UTP18: variants seen among roughly 807,000 people sequenced by gnomAD.
UTP18 encodes UTP18 small subunit processome component, also known as U3 small nucleolar RNA-associated protein 18 homolog.
A neutral mutation model predicts 61.1 loss-of-function variants in UTP18; 36 were observed. The observed-to-expected ratio is 0.59, with a 90% CI of 0.45 to 0.78. The LOEUF (loss-of-function observed/expected upper bound fraction) is 0.78. Ranked by LOEUF, UTP18 falls within the 30% of genes least tolerant of loss-of-function variation. The pLI is 0.00. For synonymous variants in UTP18, 282 were observed against 251.1 expected (o/e 1.12, Z -1.16); for missense variants, 753 against 693.9 (o/e 1.09, Z -0.96).
chr17:51,276,236 A>C (rs558479437), intron 6 of UTP18, among the ~76,000 whole-genome samples: 1 of 152,296 alleles, frequency 6.6e-6, no homozygotes, highest in South Asian at 2.1e-4. Context: ...TTTCAATCAC[A>C]GCTGCTCACC....
chr17:51,273,488 C>A, intron 5 of UTP18, 38 bp downstream of exon 5: 1 of 1,487,406 alleles, frequency 6.7e-7, no homozygotes. Context: ...TATCTAACTA[C>A]TTACCTCTGC....
chr17:51,279,183 A>G (rs1167249545), intron 7 of UTP18, among the ~76,000 whole-genome samples: 1 of 151,804 alleles, frequency 6.6e-6, no homozygotes, highest in Non-Finnish European at 1.5e-5. Flanking sequence ...GATAGTGAAA[A>G]CTCTCTTCTG....
At chr17:51,269,861 G>T (rs1222308737) in intron 4 of UTP18, among the ~76,000 whole-genome samples, 1 of 151,734 alleles carries the variant, frequency 6.6e-6, no homozygotes, top group Non-Finnish European at 1.5e-5. Flanking sequence ...GTGTGTGTGT[G>T]TGTGTGTGTC....
At chr17:51,268,768 T>A in intron 3 of UTP18, 69 bp from the exon 4 acceptor site, 1 of 1,324,588 alleles carries the variant, frequency 7.5e-7, no homozygotes. Context: ...CGTATATGCT[T>A]TAAATGTATC....
At chr17:51,287,997 T>C (rs765526929) in intron 10 of UTP18, 32 bp from the exon 11 acceptor site, 1 of 1,489,278 alleles carries the variant, frequency 6.7e-7, no homozygotes, top group Non-Finnish European at 8.9e-7. Context: ...TTACTTGGTT[T>C]TTAATCTATT....
intron 11 of UTP18, among the ~76,000 whole-genome samples, chr17:51,290,904 G>A (rs1905221371): frequency 6.6e-6 from 1 of 152,080 alleles, no homozygotes; most frequent in Admixed American, 6.5e-5. Flanking sequence ...TGATCTAGAC[G>A]GTTTTGTCAT....
chr17:51,274,318 T>C (rs1904640846), intron 5 of UTP18, among the ~76,000 whole-genome samples: 1 of 152,240 alleles, frequency 6.6e-6, no homozygotes, highest in African/African-American at 2.4e-5. Flanking sequence ...AGCATGTTCA[T>C]TATGGTAACC....
chr17:51,273,599 T>G (rs904911322), intron 5 of UTP18, 149 bp downstream of exon 5: 48 of 262,358 alleles, frequency 1.8e-4, no homozygotes, highest in Non-Finnish European at 2.7e-4. Context: ...TATGTTATTG[T>G]TTTTTTTTTT....
In UTP18 at chr17:51,288,141, T is replaced by C; in HGVS notation, c.1441T>C (p.Phe481Leu). 1 of 1,608,926 alleles carries C rather than the reference T, an allele frequency of 6.2e-7. No homozygotes were observed. Among genetic ancestry groups the C allele is most frequent in the African/African-American group, 1.3e-5 (1 of 74,796 alleles). The change falls in exon 11 of 14, where the codon TTC becomes CTC. Residue 481 changes from phenylalanine (F) to leucine (L), a missense_variant. Coordinates refer to ENST00000225298, the MANE Select transcript of UTP18 (RefSeq NM_016001.3). ...GGTTACAGGTGTTACTTCTCTGACC[T>C]TCAATCCTACTACAGAAATCTTGGC... ...NLVTGVTSLT[F>L]NPTTEILAIA...
intron 5 of UTP18, among the ~76,000 whole-genome samples, chr17:51,274,416 C>G (rs1191112731): frequency 1.3e-5 from 2 of 152,146 alleles, no homozygotes; most frequent in African/African-American, 4.8e-5. Flanking sequence ...ATTAACAGAT[C>G]TCTCTGTGAC....
intron 9 of UTP18, 78 bp downstream of exon 9, chr17:51,280,557 T>A: frequency 7.3e-7 from 1 of 1,375,338 alleles, no homozygotes; most frequent in Non-Finnish European, 1.0e-6. Context: ...CTCACGTGTG[T>A]AATCCCACCA....
At chr17:51,291,070 A>G (rs1030261086) in intron 11 of UTP18, among the ~76,000 whole-genome samples, 1 of 152,202 alleles carries the variant, frequency 6.6e-6, no homozygotes, top group African/African-American at 2.4e-5. Flanking sequence ...TTGAATTTTG[A>G]TATCTGTACA....
At chr17:51,284,685 A>AT (rs889561648) in intron 9 of UTP18, among the ~76,000 whole-genome samples, 63 of 152,232 alleles carry the variant, frequency 4.1e-4, no homozygotes, top group African/African-American at 1.5e-3. Flanking sequence ...ACAGCTTGTG[A>AT]TTTTTTTCCT....
At position 51,260,940 on chromosome 17, in the gene UTP18, CGGCGCGCGGGCTGGGCGCACTCGGGCGG is replaced by C. The variant is rs1568260568; in HGVS notation, c.342+24_342+51del. ...CGAGGCCCGAGGGTGAGGGAGGCCG[CGGCGCGCGGGCTGGGCGCACTCGGGCGG>C]GGCGCGCGGTGGGCGGTGAAGCTCC... On this transcript the variant is annotated intron_variant, in intron 1 of 13. Coordinates refer to ENST00000225298, the MANE Select transcript of UTP18 (RefSeq NM_016001.3). 3.3e-6 allele frequency: 5 copies of C among 1,527,924 alleles called. No individual in the cohort carries two copies. The South Asian group carries it at 3.6e-5, about 11-fold the overall frequency. The allele number at this position is 1,527,924 out of a possible 1,614,324, so 94.6% of individuals were successfully genotyped here.
intron 4 of UTP18, among the ~76,000 whole-genome samples, chr17:51,272,786 T>C (rs1278709243): frequency 1.3e-5 from 2 of 152,246 alleles, no homozygotes; most frequent in Non-Finnish European, 2.9e-5. Context: ...GTCAAGAAGC[T>C]TAGAGCTAGT....
chr17:51,274,063 T>C (rs1315016590), intron 5 of UTP18, among the ~76,000 whole-genome samples: 1 of 152,200 alleles, frequency 6.6e-6, no homozygotes, highest in Non-Finnish European at 1.5e-5. Context: ...ATCCTTAGCC[T>C]CATATCAGAC....
At chr17:51,294,151 GT>G in intron 12 of UTP18, 106 bp downstream of exon 12, 1 of 887,154 alleles carries the variant, frequency 1.1e-6, no homozygotes, top group Non-Finnish European at 1.5e-6. Context: ...ATTCTAGTCT[GT>G]TTATCTTGAC....
chr17:51,293,806 G>A (rs1905292039), intron 11 of UTP18, 97 bp from the exon 12 acceptor site: 1 of 1,081,626 alleles, frequency 9.2e-7, no homozygotes, highest in Non-Finnish European at 1.3e-6. Context: ...ATCAAAATGA[G>A]CTTTATGTTT....
intron 5 of UTP18, 81 bp from the exon 6 acceptor site, chr17:51,275,785 G>T: frequency 6.4e-6 from 8 of 1,241,752 alleles, no homozygotes; most frequent in Middle Eastern, 2.2e-4. Flanking sequence ...ATTATAAACT[G>T]TAATGTCTTT....
Sources: allele counts gnomAD v4.1 joint callset (sites outside exome capture counted in the v4.1 genomes callset), GRCh38; gene constraint gnomAD v4.1.1; transcripts MANE v1.5; gene names NCBI Gene and HGNC (gene_info 2026-07-23, HGNC 2026-07-21).